The following GAS2L3 variants were observed in gnomAD, a reference collection of about 807,000 sequenced individuals.
GAS2L3 encodes GAS2-like protein 3.
Under a neutral mutation model 37.0 loss-of-function variants are expected in GAS2L3, and 28 were observed. The ratio of observed to expected loss-of-function variants is 0.76; its 90% CI spans 0.56 to 1.04. The LOEUF is 1.04. Among genes scored for constraint, GAS2L3 ranks in the 50% least tolerant of loss-of-function variants. The probability of loss-of-function intolerance (pLI) is 0.00; values close to 1 mark genes in which losing one functional copy is unlikely to be tolerated. For synonymous variants in GAS2L3, 290 were observed against 296.6 expected (o/e 0.98, Z 0.23); for missense variants, 793 against 817.6 (o/e 0.97, Z 0.37).
intron 6 of GAS2L3, among the ~76,000 whole-genome samples, chr12:100,616,459 G>A (rs1296630698): frequency 2.0e-5 from 3 of 151,858 alleles, no homozygotes; most frequent in Non-Finnish European, 4.4e-5. Flanking sequence ...TTTTGAGACA[G>A]GGTCTCACTC....
intron 1 of GAS2L3, among the ~76,000 whole-genome samples, chr12:100,574,221 G>T (rs1048449798): frequency 6.6e-6 from 1 of 152,156 alleles, no homozygotes; most frequent in Non-Finnish European, 1.5e-5. Context: ...TAGAGGGTCT[G>T]TTTTTTTCTG....
intron 1 of GAS2L3, among the ~76,000 whole-genome samples, chr12:100,580,491 T>A (rs919771789): frequency 2.6e-5 from 4 of 152,220 alleles, no homozygotes; most frequent in Non-Finnish European, 5.9e-5. Flanking sequence ...GTTTTAACAT[T>A]ATATTTTGAG....
intron 1 of GAS2L3, among the ~76,000 whole-genome samples, chr12:100,591,363 G>T (rs1955844555): frequency 6.6e-6 from 1 of 152,268 alleles, no homozygotes; most frequent in African/African-American, 2.4e-5. Flanking sequence ...GGAATGAAGG[G>T]ACTATGTTAA....
chr12:100,597,969 T>TA (rs906238731), intron 3 of GAS2L3, among the ~76,000 whole-genome samples: 4 of 151,900 alleles, frequency 2.6e-5, no homozygotes, highest in Admixed American at 6.6e-5. Context: ...TTGGTTTTTT[T>TA]AAAAAAAAAT....
At chr12:100,612,175 G>A (rs775654902) in intron 6 of GAS2L3, 34 bp downstream of exon 6, 1 of 1,586,212 alleles carries the variant, frequency 6.3e-7, no homozygotes, top group Non-Finnish European at 8.7e-7. Context: ...TGTTTTTAAT[G>A]CTTACTAGGA....
At position 100,624,691 on chromosome 12, in the gene GAS2L3, C is replaced by T. The variant is rs769924942; in HGVS notation, c.1886C>T (p.Pro629Leu). Residue 629 changes from proline (P) to leucine (L), a missense_variant, in exon 10 of 10, where the codon CCG becomes CTG. Pro to Leu is a moderately conservative substitution (Grantham distance 98, BLOSUM62 -3). Transcript: ENST00000547754. ...TCTTCTACCAAAACACAAACTGCACCGAAGTCAGCACAGACTGTCGCTAAG... is the reference window on the plus strand; with the variant it reads ...TCTTCTACCAAAACACAAACTGCACTGAAGTCAGCACAGACTGTCGCTAAG... ...PQSSTKTQTA[P>L]KSAQTVAKSQ... 9 of 1,613,866 alleles carry T rather than the reference C, an allele frequency of 5.6e-6. No homozygotes were observed. The highest frequency in any genetic ancestry group is 2.2e-5 in the East Asian group (1 of 44,880).
At chr12:100,575,711 G>A (rs527801183) in intron 1 of GAS2L3, among the ~76,000 whole-genome samples, 17 of 151,776 alleles carry the variant, frequency 1.1e-4, no homozygotes, top group Non-Finnish European at 2.4e-4. Context: ...ATCTCTTGAC[G>A]TCGTGTTCCG....
Position 100,600,447 on chromosome 12 carries a change from A to T in GAS2L3, c.84A>T (p.Gly28=). The T allele has an allele frequency of 6.2e-7, 1 of 1,612,954 alleles. No homozygotes were observed. The highest frequency in any genetic ancestry group is 8.5e-7 in the Non-Finnish European group (1 of 1,179,220). The change falls in exon 4 of 10, where the codon GGA becomes GGT. Residue 28 remains glycine (G), a synonymous_variant. Transcript: ENST00000547754. ...RSPLTPRHGP[G]LANVCQYDEW... Reference sequence around the variant, plus strand: ...CTCTGACTCCCAGACACGGACCAGGATTGGCTAATGTTTGTCAGTACGATG... The same window carrying T: ...CTCTGACTCCCAGACACGGACCAGGTTTGGCTAATGTTTGTCAGTACGATG...
At chr12:100,622,157 T>G (rs1956262332) in intron 8 of GAS2L3, 118 bp from the exon 9 acceptor site, 1 of 532,008 alleles carries the variant, frequency 1.9e-6, no homozygotes, top group African/African-American at 1.9e-5. Flanking sequence ...GCGATTAAAT[T>G]ATTGAACCTG....
intron 1 of GAS2L3, chr12:100,578,811 G>A: frequency 1.5e-6 from 1 of 645,912 alleles, no homozygotes; most frequent in Non-Finnish European, 2.9e-6. Flanking sequence ...GTTAGCCCTG[G>A]AAGTCTTTAC....
chr12:100,603,124 T>C (rs1173970976), intron 5 of GAS2L3, among the ~76,000 whole-genome samples: 9 of 152,230 alleles, frequency 5.9e-5, no homozygotes. Flanking sequence ...AGATAGTCTC[T>C]TTAATATACT....
Position 100,623,728 on chromosome 12 carries a change from C to G in GAS2L3, c.923C>G (p.Pro308Arg), listed in dbSNP as rs773953129. ...TCTAATGAAAGTGTACCTGATTCGC[C>G]TGCCAGAACACCTCAGCCTCCTGAA... ...GVSNESVPDS[P>R]ARTPQPPEMN... Residue 308 changes from proline (P) to arginine (R), a missense_variant, in exon 10 of 10, where the codon CCT becomes CGT. By Grantham distance (103) the Pro-to-Arg change is moderately radical. Transcript: ENST00000547754. 2.5e-6 allele frequency: 4 copies of G among 1,613,990 alleles called. No homozygotes were observed. The highest frequency in any genetic ancestry group is 3.4e-6 in the Non-Finnish European group (4 of 1,179,926).
At chr12:100,579,474 G>A in intron 1 of GAS2L3, 2 of 773,286 alleles carry the variant, frequency 2.6e-6, no homozygotes, top group Middle Eastern at 2.6e-4. Context: ...TTGGTTAGTG[G>A]TATTATACCC....
intron 8 of GAS2L3, 131 bp from the exon 9 acceptor site, chr12:100,622,144 G>A: frequency 1.9e-6 from 1 of 520,512 alleles, no homozygotes; most frequent in Non-Finnish European, 3.5e-6. Context: ...AAGCACAGGA[G>A]AAGCGATTAA....
Position 100,626,939 on chromosome 12 carries a change from A to G in GAS2L3, c.*2049A>G, listed in dbSNP as rs988147340. Reference sequence around the variant, plus strand: ...ACCTCTTCTCTACTAAAAATACAAAATTAGCCGGGCATGGTGGCACATGCC... The same window carrying G: ...ACCTCTTCTCTACTAAAAATACAAAGTTAGCCGGGCATGGTGGCACATGCC... On this transcript the variant is annotated 3_prime_UTR_variant, in exon 10 of 10. Coordinates refer to ENST00000547754, the MANE Select transcript of GAS2L3 (RefSeq NM_174942.3). The G allele has an allele frequency of 2.0e-5, 3 of 151,946 alleles. No homozygotes were observed. The highest frequency in any genetic ancestry group is 7.2e-5 in the African/African-American group (3 of 41,386). 9.4% of individuals were successfully genotyped at this position (151,946 alleles called of 1,614,324 possible). A position where few individuals can be genotyped will look rare whatever the true frequency, so the allele number is the denominator to read the frequency against.
chr12:100,600,543 T>C lies in GAS2L3; in HGVS notation c.180T>C (p.Gly60=), dbSNP rs758461521. 2.3e-5 allele frequency: 37 copies of C among 1,612,956 alleles called. No homozygotes were observed. Among genetic ancestry groups the C allele is most frequent in the Non-Finnish European group, 3.1e-5 (36 of 1,179,264 alleles). ...MQEDLSIWLS[G]LLGIKVKAEK... ...AAGATCTGTCAATCTGGTTATCTGG[T>C]TTATTAGGTGAGGCTTGAAACAATA... The change falls in exon 4 of 10, where the codon GGT becomes GGC. Residue 60 remains glycine, a synonymous_variant. Transcript: ENST00000547754.
At chr12:100,608,582 C>T (rs1435929369) in intron 5 of GAS2L3, among the ~76,000 whole-genome samples, 2 of 151,966 alleles carry the variant, frequency 1.3e-5, no homozygotes, top group East Asian at 1.9e-4. Context: ...AGTGCAGTGG[C>T]ACAATCTCAG....
At chr12:100,614,791 G>A (rs1288215564) in intron 6 of GAS2L3, among the ~76,000 whole-genome samples, 1 of 152,158 alleles carries the variant, frequency 6.6e-6, no homozygotes, top group Non-Finnish European at 1.5e-5. Context: ...GGCATTTTGT[G>A]TCTGTTTCTT....
intron 1 of GAS2L3, among the ~76,000 whole-genome samples, chr12:100,587,125 C>T (rs557035799): frequency 6.6e-6 from 1 of 152,230 alleles, no homozygotes; most frequent in South Asian, 2.1e-4. Context: ...AAGATAGATT[C>T]ACAACAGAAC....
Sources: gnomAD v4.1 joint callset for allele counts (sites outside exome capture counted in the v4.1 genomes callset) on GRCh38, gnomAD v4.1.1 for gene constraint, MANE v1.5 for transcripts, NCBI Gene and HGNC (gene_info 2026-07-23, HGNC 2026-07-21) for gene names.